Variants in SH3RF2 observed in about 807,000 individuals in gnomAD.
The protein encoded by SH3RF2 is SH3 domain containing ring finger 2, also known as E3 ubiquitin-protein ligase SH3RF2.
SH3RF2 carries 43 observed loss-of-function variants against 59.0 expected under a neutral mutation model. The observed-to-expected ratio is 0.73, with a 90% CI of 0.57 to 0.94. The LOEUF is 0.94. Ranked by LOEUF, SH3RF2 falls within the 40% of genes least tolerant of loss-of-function variation. The pLI is 0.00. For synonymous variants in SH3RF2, 391 were observed against 391.5 expected (o/e 1.00, Z 0.01); for missense variants, 930 against 940.1 (o/e 0.99, Z 0.14).
intron 5 of SH3RF2, among the ~76,000 whole-genome samples, chr5:146,040,298 A>G (rs1033176960): frequency 6.6e-6 from 1 of 152,234 alleles, no homozygotes; most frequent in African/African-American, 2.4e-5. Context: ...TTTAAATGAC[A>G]CACAAAATAT....
At chr5:145,971,951 A>AC (rs1759100539) in intron 2 of SH3RF2, among the ~76,000 whole-genome samples, 1 of 152,220 alleles carries the variant, frequency 6.6e-6, no homozygotes, top group African/African-American at 2.4e-5. Context: ...TAAGCATGGT[A>AC]CATGGACCAT....
intron 2 of SH3RF2, among the ~76,000 whole-genome samples, chr5:145,999,197 T>C (rs560374130): frequency 6.6e-6 from 1 of 152,302 alleles, no homozygotes; most frequent in Non-Finnish European, 1.5e-5. Context: ...AAACTTTTTT[T>C]CTGCAGCTTC....
intron 2 of SH3RF2, among the ~76,000 whole-genome samples, chr5:145,953,885 G>A (rs1036014772): frequency 2.0e-5 from 3 of 152,120 alleles, no homozygotes; most frequent in African/African-American, 7.2e-5. Context: ...CAAAAGACAC[G>A]ATCTCATTCT....
Position 145,986,266 on chromosome 5 carries a change from G to A in SH3RF2, c.379-13792G>A, listed in dbSNP as rs540189646. ...CTCCTTCAGCTCCAAAAACCTCTCC[G>A]AGGAGAAAGCCGGGGTAGAGCAACC... On this transcript the variant is annotated intron_variant, in intron 2 of 9. Coordinates refer to ENST00000359120, the MANE Select transcript of SH3RF2 (RefSeq NM_152550.4). Among the ~76,000 whole-genome samples the A allele has an allele frequency of 2.8e-4, 43 of 152,262 alleles. No homozygotes were observed. In the South Asian group the frequency reaches 7.1e-3, roughly 25 times the overall value.
intron 2 of SH3RF2, among the ~76,000 whole-genome samples, chr5:145,952,821 G>A (rs1758243735): frequency 6.6e-6 from 1 of 152,142 alleles, no homozygotes; most frequent in South Asian, 2.1e-4. Flanking sequence ...TGTGTTATGA[G>A]GCCAGCTACT....
chr5:146,072,716 T>C (rs972591465), intron 9 of SH3RF2, among the ~76,000 whole-genome samples: 1 of 152,156 alleles, frequency 6.6e-6, no homozygotes, highest in Non-Finnish European at 1.5e-5. Context: ...TCATTAGTTG[T>C]TGACTAAATG....
intron 5 of SH3RF2, among the ~76,000 whole-genome samples, chr5:146,020,332 T>C (rs1050575225): frequency 2.0e-5 from 3 of 152,218 alleles, no homozygotes; most frequent in African/African-American, 4.8e-5. Context: ...TGTGTGTACA[T>C]TCCTATATGC....
chr5:146,052,243 C>T (rs1319526202), intron 7 of SH3RF2, among the ~76,000 whole-genome samples: 5 of 152,082 alleles, frequency 3.3e-5, no homozygotes, highest in Admixed American at 6.6e-5. Flanking sequence ...GAAACTCTCC[C>T]GGGAAAATCA....
In SH3RF2 at chr5:145,938,122, C is replaced by T. The variant is rs202007699; in HGVS notation, c.194C>T (p.Ala65Val). 741 of 1,614,228 alleles carry T rather than the reference C, an allele frequency of 4.6e-4. 5 individuals are homozygous for T. The East Asian group carries it at 8.7e-3, about 19-fold the overall frequency. ...PVFSNIEALP[A>V]NLLLVRLLDG... ...TTTTCCAACATTGAGGCGCTGCCGG[C>T]CAACCTGCTGCTCGTGCGCCTTCTG... Residue 65 changes from alanine to valine, a missense_variant, in exon 2 of 10, where the codon GCC becomes GTC. By Grantham distance (64) the Ala-to-Val change is moderately conservative (BLOSUM62 0). Coordinates refer to ENST00000359120, the MANE Select transcript of SH3RF2 (RefSeq NM_152550.4).
In SH3RF2 at chr5:146,000,337, T is replaced by C. The variant is rs1459232052; in HGVS notation, c.648+10T>C. On this transcript the variant is annotated intron_variant, in intron 3 of 9. Transcript: ENST00000359120. Reference sequence around the variant, plus strand: ...CCTGACCTTCCTCAAGGTAGGATTCTGGGTGGCCACCAGAGTCACCTGGGA... The same window carrying C: ...CCTGACCTTCCTCAAGGTAGGATTCCGGGTGGCCACCAGAGTCACCTGGGA... 6.2e-7 allele frequency: 1 copy of C among 1,610,514 alleles called. No homozygotes were observed. The highest frequency in any genetic ancestry group is 8.5e-7 in the Non-Finnish European group (1 of 1,178,960).
At chr5:146,034,030 A>C (rs1761839348) in intron 5 of SH3RF2, among the ~76,000 whole-genome samples, 1 of 152,222 alleles carries the variant, frequency 6.6e-6, no homozygotes, top group Non-Finnish European at 1.5e-5. Flanking sequence ...CTGCTTAGGT[A>C]TTGTTCTAAA....
chr5:146,005,908 G>A (rs1760626233), intron 4 of SH3RF2, among the ~76,000 whole-genome samples: 1 of 151,110 alleles, frequency 6.6e-6, no homozygotes, highest in Admixed American at 6.6e-5. Context: ...AATTGAGAAG[G>A]TAGTCAGAGC....
chr5:145,954,662 T>C (rs1033993440), intron 2 of SH3RF2, among the ~76,000 whole-genome samples: 1 of 152,216 alleles, frequency 6.6e-6, no homozygotes, highest in Non-Finnish European at 1.5e-5. Context: ...ACCTAGGTTG[T>C]CTTCCAGGAT....
rs1483991733 is a variant in SH3RF2, at chr5:145,959,645, GTGTA to G, written c.378+21343_378+21346del. 2.5e-4 allele frequency among the ~76,000 whole-genome samples: 36 copies of G among 146,248 alleles called. 1 individual carries two copies. Among genetic ancestry groups the G allele is most frequent in the African/African-American group, 8.6e-4 (34 of 39,384 alleles). ...TGTGTGTGTGTGTGTGTGTGTGTGT[GTGTA>G]TGTGTGTGTGTGTATACATATATAT... On this transcript the variant is annotated intron_variant, in intron 2 of 9. Transcript: ENST00000359120.
chr5:146,058,871 T>TAAA (rs35140745), intron 8 of SH3RF2, among the ~76,000 whole-genome samples: 10 of 132,736 alleles, frequency 7.5e-5, no homozygotes, highest in African/African-American at 2.7e-4. Flanking sequence ...CATCTCAATT[T>TAAA]AAAAAAAAAA....
At chr5:146,037,874 A>T (rs1419944137) in intron 5 of SH3RF2, among the ~76,000 whole-genome samples, 1 of 152,184 alleles carries the variant, frequency 6.6e-6, no homozygotes. Context: ...AAGACAACAT[A>T]AGAAAGGAAA....
At chr5:146,038,767 C>A (rs1458733042) in intron 5 of SH3RF2, among the ~76,000 whole-genome samples, 1 of 152,200 alleles carries the variant, frequency 6.6e-6, no homozygotes, top group Non-Finnish European at 1.5e-5. Context: ...ATTCAAATCC[C>A]AGTGGGTCTG....
At chr5:145,952,167 T>G (rs1758216740) in intron 2 of SH3RF2, among the ~76,000 whole-genome samples, 1 of 152,166 alleles carries the variant, frequency 6.6e-6, no homozygotes, top group African/African-American at 2.4e-5. Context: ...CCACTGAGGG[T>G]CCCTGGTCCA....
chr5:145,959,219 G>C (rs1046020880), intron 2 of SH3RF2, among the ~76,000 whole-genome samples: 1 of 152,004 alleles, frequency 6.6e-6, no homozygotes, highest in African/African-American at 2.4e-5. Flanking sequence ...CAATTATTTT[G>C]GTTTTGTTTT....
Sources: allele counts gnomAD v4.1 joint callset (sites outside exome capture counted in the v4.1 genomes callset), GRCh38; gene constraint gnomAD v4.1.1; transcripts MANE v1.5; gene names NCBI Gene and HGNC (gene_info 2026-07-23, HGNC 2026-07-21).